The following XKR4 variants were observed in gnomAD, a reference collection of about 807,000 sequenced individuals.
The protein encoded by XKR4 is XK related 4.
Under a neutral mutation model 53.9 loss-of-function variants are expected in XKR4, and 12 were observed. That is an observed-to-expected ratio of 0.22 (90% CI 0.14 to 0.36). The LOEUF (loss-of-function observed/expected upper bound fraction) is 0.36. Among genes scored for constraint, XKR4 ranks in the 10% least tolerant of loss-of-function variants. The pLI is 1.00. For missense variants in XKR4, 799 were observed against 859.5 expected (o/e 0.93, Z 0.88); for synonymous variants, 354 against 362.4 (o/e 0.98, Z 0.26).
chr8:55,423,366 A>T (rs183732160), intron 2 of XKR4, among the ~76,000 whole-genome samples: 2 of 152,268 alleles, frequency 1.3e-5, no homozygotes, highest in South Asian at 2.1e-4. Flanking sequence ...AAGTGCTGGG[A>T]TTATAGGCGT....
chr8:55,414,069 T>C (rs1804811203), intron 2 of XKR4, among the ~76,000 whole-genome samples: 2 of 152,200 alleles, frequency 1.3e-5, no homozygotes, highest in Admixed American at 6.5e-5. Context: ...AAAGAAATAA[T>C]GAAGCCATGT....
At chr8:55,447,173 A>G (rs1390732788) in intron 2 of XKR4, among the ~76,000 whole-genome samples, 1 of 152,242 alleles carries the variant, frequency 6.6e-6, no homozygotes, top group African/African-American at 2.4e-5. Context: ...CTGCCAGCCA[A>G]GAAACCATCA....
intron 1 of XKR4, among the ~76,000 whole-genome samples, chr8:55,114,218 C>G (rs1403652901): frequency 1.3e-5 from 2 of 152,144 alleles, no homozygotes; most frequent in Non-Finnish European, 2.9e-5. Flanking sequence ...TCCCTTTTCT[C>G]TGCAACCTCA....
chr8:55,173,906 C>T (rs1817196653), intron 1 of XKR4, among the ~76,000 whole-genome samples: 1 of 152,080 alleles, frequency 6.6e-6, no homozygotes. Flanking sequence ...TCAAATTTTG[C>T]ATGAAGTATT....
At chr8:55,273,768 C>T (rs762902133) in intron 1 of XKR4, among the ~76,000 whole-genome samples, 1 of 152,186 alleles carries the variant, frequency 6.6e-6, no homozygotes, top group African/African-American at 2.4e-5. Flanking sequence ...AAACGCTGCC[C>T]CTCAAATACT....
At chr8:55,190,838 A>C (rs1440122915) in intron 1 of XKR4, among the ~76,000 whole-genome samples, 3 of 152,074 alleles carry the variant, frequency 2.0e-5, no homozygotes, top group Non-Finnish European at 2.9e-5. Context: ...AAAATCCGAA[A>C]ATGGTTATTT....
At chr8:55,113,911 T>G (rs1461785174) in intron 1 of XKR4, among the ~76,000 whole-genome samples, 1 of 152,212 alleles carries the variant, frequency 6.6e-6, no homozygotes, top group Non-Finnish European at 1.5e-5. Context: ...ATTTTACTCT[T>G]TTTAGTGGCT....
chr8:55,310,574 A>G (rs1221690173), intron 1 of XKR4, among the ~76,000 whole-genome samples: 1 of 152,216 alleles, frequency 6.6e-6, no homozygotes, highest in East Asian at 1.9e-4. Flanking sequence ...AATGGCATAT[A>G]ATTTTGTAGA....
chr8:55,301,466 G>A (rs1176971630), intron 1 of XKR4, among the ~76,000 whole-genome samples: 3 of 151,998 alleles, frequency 2.0e-5, no homozygotes, highest in East Asian at 3.9e-4. Flanking sequence ...ACATGTGCAT[G>A]TGTCTTTATA....
intron 2 of XKR4, chr8:55,454,105 C>A (rs997370447): frequency 1.1e-5 from 9 of 831,692 alleles, no homozygotes; most frequent in Non-Finnish European, 4.2e-6. Context: ...AGGGGGACGT[C>A]ATGGGTGGAG....
intron 1 of XKR4, among the ~76,000 whole-genome samples, chr8:55,328,882 A>G (rs925142195): frequency 1.3e-5 from 2 of 152,036 alleles, no homozygotes; most frequent in African/African-American, 2.4e-5. Flanking sequence ...ATTTACCACC[A>G]ACACCCACCA....
Position 55,537,064 on chromosome 8 carries a change from T to C in XKR4, c.*12837T>C, listed in dbSNP as rs1807040692. Reference sequence around the variant, plus strand: ...GACAAAATTATTTCATGGTGAATTTTATAAGGTTGATAGAAGTAAAAGCTA... The same window carrying C: ...GACAAAATTATTTCATGGTGAATTTCATAAGGTTGATAGAAGTAAAAGCTA... On this transcript the variant is annotated 3_prime_UTR_variant, in exon 3 of 3. Coordinates refer to ENST00000327381, the MANE Select transcript of XKR4 (RefSeq NM_052898.2). 6.6e-6 allele frequency: 1 copy of C among 152,242 alleles called. No individual in the cohort carries two copies. Among genetic ancestry groups the C allele is most frequent in the African/African-American group, 2.4e-5 (1 of 41,458 alleles). 9.4% of individuals were successfully genotyped at this position (152,242 alleles called of 1,614,324 possible).
At chr8:55,204,809 A>G (rs1817622175) in intron 1 of XKR4, among the ~76,000 whole-genome samples, 1 of 152,182 alleles carries the variant, frequency 6.6e-6, no homozygotes, top group African/African-American at 2.4e-5. Context: ...TACTTTTTTT[A>G]GTTTCTGGTA....
chr8:55,289,646 A>AAAGAAAGAAAGAAAGGAAGGAAGG (rs1221597017), intron 1 of XKR4, among the ~76,000 whole-genome samples: 4 of 87,024 alleles, frequency 4.6e-5, no homozygotes, highest in African/African-American at 2.3e-4. Flanking sequence ...AGAAAGAAAG[A>AAAGAAAGAAAGAAAGGAAGGAAGG]AAGGAAGGAA....
intron 1 of XKR4, among the ~76,000 whole-genome samples, chr8:55,301,205 CT>C (rs1380125013): frequency 7.5e-6 from 1 of 133,360 alleles, no homozygotes; most frequent in Non-Finnish European, 1.5e-5. Context: ...TCCATGTGTT[CT>C]CATTGTTCAA....
In XKR4 at chr8:55,234,347, C is replaced by T. The variant is rs568097560; in HGVS notation, c.807-123331C>T. Reference sequence around the variant, plus strand: ...CATCCTTGTTCATTTATGGCTACCTCGAACATATTTTTCACTAAAAATAAA... The same window carrying T: ...CATCCTTGTTCATTTATGGCTACCTTGAACATATTTTTCACTAAAAATAAA... On this transcript the variant is annotated intron_variant, in intron 1 of 2. Coordinates refer to ENST00000327381, the MANE Select transcript of XKR4 (RefSeq NM_052898.2). Among the ~76,000 whole-genome samples the T allele has an allele frequency of 8.5e-5, 13 of 152,200 alleles. 1 individual carries two copies. The highest frequency in any genetic ancestry group is 3.3e-4 in the Admixed American group (5 of 15,276).
intron 2 of XKR4, among the ~76,000 whole-genome samples, chr8:55,485,368 A>G (rs1585600623): frequency 2.0e-5 from 3 of 152,364 alleles, no homozygotes. Flanking sequence ...CCCAAGGAAT[A>G]TACAAAAACA....
chr8:55,111,660 G>A (rs74533777), intron 1 of XKR4, among the ~76,000 whole-genome samples: 3,102 of 152,206 alleles, frequency 0.02, 90 homozygotes, highest in African/African-American at 0.07. Context: ...AAAGTCTTCC[G>A]TGTCACTGAT....
rs560633131 is a variant in XKR4 at position 55,312,707 on chromosome 8, A to G, written c.807-44971A>G. 2.0e-5 allele frequency among the ~76,000 whole-genome samples: 3 copies of G among 152,314 alleles called. No individual in the cohort carries two copies. The East Asian group carries it at 5.8e-4, about 29-fold the overall frequency. The stretch of plus-strand genomic sequence containing the variant: ...ATTTAGAAGTATTCTCTTTTCATGA[A>G]TTTTATGAGCATCTATTTTATTTGA... On this transcript the variant is annotated intron_variant, in intron 1 of 2. Transcript: ENST00000327381.
Sources: gnomAD v4.1 joint callset for allele counts (sites outside exome capture counted in the v4.1 genomes callset) on GRCh38, gnomAD v4.1.1 for gene constraint, MANE v1.5 for transcripts, NCBI Gene and HGNC (gene_info 2026-07-23, HGNC 2026-07-21) for gene names.